KCNAB1: variants seen among roughly 807,000 people sequenced by gnomAD.
The protein encoded by KCNAB1 is voltage-gated potassium channel subunit beta-1.
KCNAB1 carries 35 observed loss-of-function variants against 64.6 expected under a neutral mutation model. The ratio of observed to expected loss-of-function variants is 0.54; its 90% CI spans 0.41 to 0.72. KCNAB1 has a LOEUF of 0.72. KCNAB1 is among the 30% of genes least tolerant of loss of function. The pLI, the probability that KCNAB1 is intolerant of heterozygous loss-of-function variation, is 0.00. For synonymous variants in KCNAB1, 177 were observed against 183.8 expected (o/e 0.96, Z 0.30); for missense variants, 401 against 512.9 (o/e 0.78, Z 2.11).
At chr3:156,231,549 T>TCCTTCCTC in intron 1 of KCNAB1, among the ~76,000 whole-genome samples, 1 of 131,312 alleles carries the variant, frequency 7.6e-6, no homozygotes, top group East Asian at 2.5e-4. Context: ...CCTTCTTCCC[T>TCCTTCCTC]CCTTCCTTCC....
intron 1 of KCNAB1, among the ~76,000 whole-genome samples, chr3:156,342,585 C>CTTTTTTTTTTTTTTTTTTTT (rs60982892): frequency 8.1e-5 from 7 of 86,264 alleles, no homozygotes; most frequent in East Asian, 3.9e-4. Flanking sequence ...CTATGTGTTT[C>CTTTTTTTTTTTTTTTTTTTT]TTTTTTTTTT....
intron 1 of KCNAB1, among the ~76,000 whole-genome samples, chr3:156,128,619 G>C (rs1209258010): frequency 1.3e-5 from 2 of 152,100 alleles, no homozygotes; most frequent in Admixed American, 6.6e-5. Context: ...GTGAGGGAAC[G>C]TGCCTCATAA....
intron 4 of KCNAB1, among the ~76,000 whole-genome samples, chr3:156,458,259 G>A (rs558538603): frequency 1.5e-4 from 23 of 152,274 alleles, no homozygotes; most frequent in South Asian, 4.1e-4. Context: ...TAGGAAATGC[G>A]CCAGGCCAGG....
chr3:156,467,463 C>T (rs1159666896), intron 7 of KCNAB1, among the ~76,000 whole-genome samples: 1 of 151,998 alleles, frequency 6.6e-6, no homozygotes, highest in Non-Finnish European at 1.5e-5. Flanking sequence ...CTAATCTCAC[C>T]ACTTCGAAAA....
chr3:156,260,987 A>G (rs1718396343), intron 1 of KCNAB1, among the ~76,000 whole-genome samples: 1 of 152,118 alleles, frequency 6.6e-6, no homozygotes, highest in South Asian at 2.1e-4. Context: ...CATTTCCTTA[A>G]TGACTAATGA....
chr3:156,515,316 T>A, intron 10 of KCNAB1, 96 bp downstream of exon 10: 1 of 1,100,276 alleles, frequency 9.1e-7, no homozygotes. Flanking sequence ...AATGCTTTCC[T>A]AAATGTCCCT....
At chr3:156,443,772 ACACACAC>A (rs1437387082) in intron 2 of KCNAB1, among the ~76,000 whole-genome samples, 18 of 146,518 alleles carry the variant, frequency 1.2e-4, no homozygotes, top group African/African-American at 4.5e-4. Flanking sequence ...ACACACACAC[ACACACAC>A]ACTATTCTTT....
At chr3:156,357,159 G>GCACACACACACACACA (rs112441885) in intron 1 of KCNAB1, among the ~76,000 whole-genome samples, 7 of 147,314 alleles carry the variant, frequency 4.8e-5, no homozygotes, top group African/African-American at 1.7e-4. Flanking sequence ...ACATGTGCGC[G>GCACACACACACACACA]CACACACACA....
chr3:156,405,837 T>A (rs1338969995), intron 1 of KCNAB1, among the ~76,000 whole-genome samples: 3 of 152,242 alleles, frequency 2.0e-5, no homozygotes, highest in Non-Finnish European at 4.4e-5. Flanking sequence ...CCTTCCAACC[T>A]TATAAATAAC....
intron 1 of KCNAB1, among the ~76,000 whole-genome samples, chr3:156,122,797 A>C (rs1713426609): frequency 6.6e-6 from 1 of 152,230 alleles, no homozygotes; most frequent in African/African-American, 2.4e-5. Flanking sequence ...TGTAGTTGGA[A>C]CTAACTCTAT....
At chr3:156,176,855 C>T (rs1008807479) in intron 1 of KCNAB1, 3 of 1,117,808 alleles carry the variant, frequency 2.7e-6, no homozygotes, top group African/African-American at 1.5e-5. Context: ...CATGCCGCTG[C>T]CGCTTGACTG....
At chr3:156,244,559 G>A (rs566995792) in intron 1 of KCNAB1, among the ~76,000 whole-genome samples, 4 of 152,306 alleles carry the variant, frequency 2.6e-5, no homozygotes, top group African/African-American at 9.6e-5. Context: ...GATCCTCTGA[G>A]TCTTCTCTTC....
intron 1 of KCNAB1, among the ~76,000 whole-genome samples, chr3:156,137,480 A>G (rs552329587): frequency 1.3e-5 from 2 of 152,020 alleles, no homozygotes; most frequent in African/African-American, 4.8e-5. Context: ...GATGTGAGGG[A>G]TTGCCTAGAA....
chr3:156,461,022 A>G (rs1712864648), intron 5 of KCNAB1, among the ~76,000 whole-genome samples: 1 of 152,216 alleles, frequency 6.6e-6, no homozygotes, highest in African/African-American at 2.4e-5. Flanking sequence ...ATCCCAGGGA[A>G]CTGTAAGGAT....
At chr3:156,125,613 AC>A (rs1450788915) in intron 1 of KCNAB1, among the ~76,000 whole-genome samples, 1 of 152,142 alleles carries the variant, frequency 6.6e-6, no homozygotes, top group Non-Finnish European at 1.5e-5. Flanking sequence ...GATTTTGACC[AC>A]CTTAATGAAT....
At chr3:156,272,567 G>A (rs1212902647) in intron 1 of KCNAB1, among the ~76,000 whole-genome samples, 2 of 151,968 alleles carry the variant, frequency 1.3e-5, no homozygotes, top group Non-Finnish European at 2.9e-5. Flanking sequence ...TCTGCTTGTG[G>A]TGAATGCTGC....
chr3:156,514,610 G>A (rs1016238289), intron 9 of KCNAB1, among the ~76,000 whole-genome samples, 161 bp downstream of exon 9: 1 of 152,184 alleles, frequency 6.6e-6, no homozygotes, highest in Non-Finnish European at 1.5e-5. Context: ...TATTGGAGCC[G>A]GAGCTCATCC....
rs565319643 is a variant in KCNAB1, at chr3:156,477,632, T to C, written c.658+2812T>C. Among the ~76,000 whole-genome samples, 6 of 152,230 alleles carry C rather than the reference T, an allele frequency of 3.9e-5. No individual in the cohort carries two copies. In the East Asian group the frequency reaches 1.2e-3, roughly 29 times the overall value. On this transcript the variant is annotated intron_variant, in intron 8 of 13. Coordinates refer to ENST00000490337, the MANE Select transcript of KCNAB1 (RefSeq NM_172160.3). ...TGAGCTTTTCCTAGCTTTCAGAAAATGTTTATCCTCAAACTTAGTACACTC... is the reference window on the plus strand; with the variant it reads ...TGAGCTTTTCCTAGCTTTCAGAAAACGTTTATCCTCAAACTTAGTACACTC...
chr3:156,314,714 C>T (rs191354656), intron 1 of KCNAB1, among the ~76,000 whole-genome samples: 21 of 152,318 alleles, frequency 1.4e-4, no homozygotes, highest in African/African-American at 5.1e-4. Flanking sequence ...ATTAATTGCC[C>T]TTCAATTTCT....
Sources: gnomAD v4.1 joint callset for allele counts (sites outside exome capture counted in the v4.1 genomes callset) on GRCh38, gnomAD v4.1.1 for gene constraint, MANE v1.5 for transcripts, NCBI Gene and HGNC (gene_info 2026-07-23, HGNC 2026-07-21) for gene names.